PTPRJ: variants seen among roughly 807,000 people sequenced by gnomAD.
The protein encoded by PTPRJ is receptor-type tyrosine-protein phosphatase eta.
PTPRJ carries 129 observed loss-of-function variants against 141.3 expected under a neutral mutation model. That is an observed-to-expected ratio of 0.91 (90% CI 0.79 to 1.06). PTPRJ has a LOEUF of 1.06. PTPRJ is among the 50% of genes least tolerant of loss of function. The pLI, the probability that PTPRJ is intolerant of heterozygous loss-of-function variation, is 0.00. For missense variants in PTPRJ, 1,601 were observed against 1,679.7 expected (o/e 0.95, Z 0.82); for synonymous variants, 610 against 640.5 (o/e 0.95, Z 0.72).
At chr11:48,019,391 T>C (rs1212111286) in intron 1 of PTPRJ, among the ~76,000 whole-genome samples, 1 of 142,568 alleles carries the variant, frequency 7.0e-6, no homozygotes, top group Non-Finnish European at 1.5e-5. Context: ...ACCTCCTTTC[T>C]CTGAGCCTGA....
chr11:48,140,260 C>T (rs975247056), intron 11 of PTPRJ, among the ~76,000 whole-genome samples: 1 of 152,186 alleles, frequency 6.6e-6, no homozygotes, highest in African/African-American at 2.4e-5. Flanking sequence ...GAACTCCTGA[C>T]CTCAAGTGAT....
chr11:48,110,033 C>A (rs368538127), intron 1 of PTPRJ, 25 bp from the exon 2 acceptor site: 1 of 1,613,450 alleles, frequency 6.2e-7, no homozygotes, highest in African/African-American at 1.3e-5. Context: ...AATCTGCTGA[C>A]TTCCGTTTTC....
chr11:48,046,000 T>C (rs1352044729), intron 1 of PTPRJ, among the ~76,000 whole-genome samples: 1 of 152,200 alleles, frequency 6.6e-6, no homozygotes, highest in Admixed American at 6.5e-5. Flanking sequence ...TGCTACCTTA[T>C]GGAGCACCTA....
chr11:48,109,255 A>T (rs1219695047), intron 1 of PTPRJ, among the ~76,000 whole-genome samples: 1 of 147,912 alleles, frequency 6.8e-6, no homozygotes, highest in African/African-American at 2.4e-5. Flanking sequence ...GTCCTTTTTG[A>T]TTATTTTATT....
rs59075728 is a variant in PTPRJ, at chr11:48,125,461, G to A, written c.1093+275G>A. 1.6e-4 allele frequency among the ~76,000 whole-genome samples: 24 copies of A among 152,310 alleles called. No homozygotes were observed. In the East Asian group the frequency reaches 4.6e-3, roughly 29 times the overall value. ...CACGCCATCTTTCACAGCTTTGCGT[G>A]GTGGCTGATGAGACAAACTGGCATC... On this transcript the variant is annotated intron_variant, in intron 6 of 24. Transcript: ENST00000418331.
chr11:48,159,905 T>G (rs1409600057), intron 21 of PTPRJ, 25 bp from the exon 22 acceptor site: 1 of 1,613,134 alleles, frequency 6.2e-7, no homozygotes, highest in African/African-American at 1.3e-5. Flanking sequence ...CTGAGTCTTC[T>G]TATAAAAATG....
At chr11:48,163,399 T>A in intron 22 of PTPRJ, 59 bp from the exon 23 acceptor site, 1 of 1,534,928 alleles carries the variant, frequency 6.5e-7, no homozygotes, top group Non-Finnish European at 9.0e-7. Flanking sequence ...TTCCCCTGCC[T>A]TTTTGATGTT....
At chr11:48,113,055 C>A in intron 3 of PTPRJ, 72 bp downstream of exon 3, 1 of 1,289,684 alleles carries the variant, frequency 7.8e-7, no homozygotes, top group Non-Finnish European at 1.1e-6. Context: ...TCATGTTTTC[C>A]AAATACTGTT....
intron 8 of PTPRJ, chr11:48,132,807 T>A (rs1487806714): frequency 1.2e-6 from 1 of 811,028 alleles, no homozygotes; most frequent in Non-Finnish European, 1.5e-6. Flanking sequence ...GCTGGTTGGG[T>A]TAAGCACCGA....
At chr11:48,067,119 T>C (rs1421868893) in intron 1 of PTPRJ, among the ~76,000 whole-genome samples, 1 of 151,098 alleles carries the variant, frequency 6.6e-6, no homozygotes, top group Non-Finnish European at 1.5e-5. Context: ...GTAGAAGGAG[T>C]CTGTCCCCAA....
intron 1 of PTPRJ, among the ~76,000 whole-genome samples, chr11:47,992,464 C>T (rs906724248): frequency 1.3e-5 from 2 of 152,100 alleles, no homozygotes; most frequent in South Asian, 2.1e-4. Context: ...TGAGTCACCG[C>T]GCCCAAGTAT....
At chr11:48,043,102 G>A (rs1854309386) in intron 1 of PTPRJ, among the ~76,000 whole-genome samples, 1 of 152,220 alleles carries the variant, frequency 6.6e-6, no homozygotes, top group Admixed American at 6.5e-5. Flanking sequence ...CTGGAGCCTG[G>A]TGCAAGTGCA....
intron 1 of PTPRJ, among the ~76,000 whole-genome samples, chr11:48,085,621 G>A (rs1006527332): frequency 2.6e-5 from 4 of 151,956 alleles, no homozygotes; most frequent in Admixed American, 1.3e-4. Context: ...CTGGGATTGC[G>A]GGCTGGGATT....
intron 1 of PTPRJ, among the ~76,000 whole-genome samples, chr11:48,063,680 A>G (rs1855001628): frequency 6.6e-6 from 1 of 152,206 alleles, no homozygotes; most frequent in Non-Finnish European, 1.5e-5. Context: ...CCTAACAAAA[A>G]GCCAGAGAAG....
Position 48,084,794 on chromosome 11 carries a change from G to T in PTPRJ, c.97-25264G>T, listed in dbSNP as rs548551963. 6.6e-5 allele frequency among the ~76,000 whole-genome samples: 10 copies of T among 152,248 alleles called. No individual in the cohort carries two copies. The South Asian group carries it at 2.1e-3, about 32-fold the overall frequency. Reference sequence around the variant, plus strand: ...ATTTTAAATTTAGGTACACTTTGCTGCTTGGGGTCCATCTTGAGGGGATTG... The same window carrying T: ...ATTTTAAATTTAGGTACACTTTGCTTCTTGGGGTCCATCTTGAGGGGATTG... On this transcript the variant is annotated intron_variant, in intron 1 of 24. Coordinates refer to ENST00000418331, the MANE Select transcript of PTPRJ (RefSeq NM_002843.4).
At chr11:48,085,121 T>C (rs1042759078) in intron 1 of PTPRJ, among the ~76,000 whole-genome samples, 1 of 152,188 alleles carries the variant, frequency 6.6e-6, no homozygotes, top group African/African-American at 2.4e-5. Flanking sequence ...CTCAACTGCA[T>C]GTTTTTGTGT....
chr11:48,090,177 C>G (rs367579776), intron 1 of PTPRJ, among the ~76,000 whole-genome samples: 1 of 152,198 alleles, frequency 6.6e-6, no homozygotes, highest in Non-Finnish European at 1.5e-5. Flanking sequence ...AGGGCAGACA[C>G]AGCACTTGTC....
intron 1 of PTPRJ, among the ~76,000 whole-genome samples, chr11:48,008,713 C>T (rs192480534): frequency 2.9e-4 from 44 of 150,050 alleles, no homozygotes; most frequent in African/African-American, 9.3e-4. Context: ...TACAGGCATG[C>T]GCCACCACGC....
chr11:47,998,842 A>T (rs2134187598), intron 1 of PTPRJ, among the ~76,000 whole-genome samples: 1 of 152,242 alleles, frequency 6.6e-6, no homozygotes, highest in African/African-American at 2.4e-5. Context: ...CGGTAAATAC[A>T]TGTAGGAGGT....
Sources: allele counts gnomAD v4.1 joint callset (sites outside exome capture counted in the v4.1 genomes callset), GRCh38; gene constraint gnomAD v4.1.1; transcripts MANE v1.5; gene names NCBI Gene and HGNC (gene_info 2026-07-23, HGNC 2026-07-21).